Variants in KCNJ6 observed in about 807,000 individuals in gnomAD.
The protein encoded by KCNJ6 is G protein-activated inward rectifier potassium channel 2.
KCNJ6 carries 9 observed loss-of-function variants against 34.2 expected under a neutral mutation model. That is an observed-to-expected ratio of 0.26 (90% CI 0.16 to 0.46). The LOEUF is 0.46. KCNJ6 is among the 20% of genes least tolerant of loss of function. The probability of loss-of-function intolerance (pLI) is 1.00; values close to 1 mark genes in which losing one functional copy is unlikely to be tolerated. For synonymous variants in KCNJ6, 196 were observed against 207.1 expected (o/e 0.95, Z 0.46); for missense variants, 236 against 531.3 (o/e 0.44, Z 5.46).
chr21:37,683,080 C>T (rs748417251), intron 3 of KCNJ6, among the ~76,000 whole-genome samples: 1 of 152,124 alleles, frequency 6.6e-6, no homozygotes, highest in African/African-American at 2.4e-5. Flanking sequence ...TGGCGTCAAG[C>T]GAGGGAAGCA....
At chr21:37,653,801 A>C (rs2835869) in intron 3 of KCNJ6, among the ~76,000 whole-genome samples, 3 of 152,190 alleles carry the variant, frequency 2.0e-5, no homozygotes, top group African/African-American at 7.2e-5. Flanking sequence ...CAGGTTGCAC[A>C]AGGTAAGCAT....
chr21:37,846,638 A>AT (rs2055510103), intron 1 of KCNJ6, among the ~76,000 whole-genome samples: 1 of 152,186 alleles, frequency 6.6e-6, no homozygotes, highest in South Asian at 2.1e-4. Context: ...CAAACCGGTT[A>AT]TATTTGCATC....
intron 2 of KCNJ6, among the ~76,000 whole-genome samples, chr21:37,828,762 T>C (rs748566893): frequency 1.7e-4 from 26 of 152,170 alleles, no homozygotes; most frequent in Admixed American, 1.5e-3. Context: ...TTTCCAGAGC[T>C]GAGGCTGAGG....
At chr21:37,788,740 GC>G (rs2055203486) in intron 2 of KCNJ6, among the ~76,000 whole-genome samples, 2 of 152,316 alleles carry the variant, frequency 1.3e-5, no homozygotes, top group South Asian at 4.1e-4. Context: ...GCAGAGATAA[GC>G]CATCCCAGCC....
At chr21:37,851,684 T>C (rs1227392141) in intron 1 of KCNJ6, among the ~76,000 whole-genome samples, 1 of 152,188 alleles carries the variant, frequency 6.6e-6, no homozygotes, top group African/African-American at 2.4e-5. Flanking sequence ...TCTTCTTTTT[T>C]TTTCTCTATT....
intron 2 of KCNJ6, among the ~76,000 whole-genome samples, chr21:37,790,968 G>C (rs1000726130): frequency 3.6e-4 from 55 of 152,152 alleles, no homozygotes; most frequent in African/African-American, 1.2e-3. Context: ...CAGTTGGATT[G>C]CAAAAGCCAA....
At chr21:37,752,614 G>A (rs1363283933) in intron 2 of KCNJ6, among the ~76,000 whole-genome samples, 1 of 152,066 alleles carries the variant, frequency 6.6e-6, no homozygotes, top group African/African-American at 2.4e-5. Flanking sequence ...GCTGCCACAG[G>A]GTCACCATAA....
chr21:37,855,594 C>A (rs559437793), intron 1 of KCNJ6, among the ~76,000 whole-genome samples: 8 of 152,236 alleles, frequency 5.3e-5, no homozygotes, highest in African/African-American at 1.7e-4. Context: ...CTTATGAAAT[C>A]AAAAATCCAA....
At chr21:37,637,136 C>T (rs560177272) in intron 3 of KCNJ6, among the ~76,000 whole-genome samples, 56 of 152,314 alleles carry the variant, frequency 3.7e-4, no homozygotes, top group African/African-American at 1.3e-3. Context: ...AGTGCTGGGT[C>T]GCTTTTCATG....
Position 37,608,770 on chromosome 21 carries a change from G to A in KCNJ6, c.*16389C>T, listed in dbSNP as rs2054232921. The stretch of plus-strand genomic sequence containing the variant: ...TTACAGGCTTGTTGAGGACAGTGGG[G>A]GATGTTACTTTTTCTCAGAGTCTTC... On this transcript the variant is annotated 3_prime_UTR_variant, in exon 4 of 4. Coordinates refer to ENST00000609713, the MANE Select transcript of KCNJ6 (RefSeq NM_002240.5). 6.6e-6 allele frequency: 1 copy of A among 152,176 alleles called. No homozygotes were observed. Among genetic ancestry groups the A allele is most frequent in the Admixed American group, 6.5e-5 (1 of 15,286 alleles). The allele number at this position is 152,176 out of a possible 1,614,324, so 9.4% of individuals were successfully genotyped here.
chr21:37,716,234 A>G (rs2054790047), intron 2 of KCNJ6, among the ~76,000 whole-genome samples: 1 of 152,126 alleles, frequency 6.6e-6, no homozygotes, highest in African/African-American at 2.4e-5. Context: ...TTAATGGTTG[A>G]TTCAATGCCA....
intron 1 of KCNJ6, among the ~76,000 whole-genome samples, chr21:37,886,932 G>GTTTT (rs548644272): frequency 7.9e-6 from 1 of 127,050 alleles, no homozygotes; most frequent in African/African-American, 2.9e-5. Context: ...ATCCAACCTT[G>GTTTT]TTTTTTTTTT....
intron 2 of KCNJ6, among the ~76,000 whole-genome samples, chr21:37,730,461 C>A (rs188888059): frequency 6.6e-6 from 1 of 152,264 alleles, no homozygotes; most frequent in Admixed American, 6.5e-5. Context: ...TGAAGAGTTA[C>A]TGTGAGAAAG....
rs191624192 is a variant in KCNJ6, at chr21:37,885,195, G to T, written c.-28+30689C>A. On this transcript the variant is annotated intron_variant, in intron 1 of 3. Coordinates refer to ENST00000609713, the MANE Select transcript of KCNJ6 (RefSeq NM_002240.5). Reference sequence around the variant, plus strand: ...AACTGAAAATCATTTCCTAGGAAAGGCCACTTCATCACATAGCAGGGCTCA... The same window carrying T: ...AACTGAAAATCATTTCCTAGGAAAGTCCACTTCATCACATAGCAGGGCTCA... 7.9e-4 allele frequency among the ~76,000 whole-genome samples: 120 copies of T among 152,286 alleles called. 1 individual carries two copies. The highest frequency in any genetic ancestry group is 2.8e-3 in the African/African-American group (118 of 41,560).
intron 2 of KCNJ6, among the ~76,000 whole-genome samples, chr21:37,756,413 T>C (rs857992): frequency 0.98 from 148,693 of 152,320 alleles, 72,615 homozygotes; most frequent in East Asian, 1. Flanking sequence ...CGTGGGGGCC[T>C]GGGAGAAGGC....
chr21:37,794,028 T>G (rs2055229632), intron 2 of KCNJ6, among the ~76,000 whole-genome samples: 3 of 152,282 alleles, frequency 2.0e-5, no homozygotes, highest in Non-Finnish European at 4.4e-5. Context: ...TTTGTTATTG[T>G]GACTCAGTAG....
intron 1 of KCNJ6, among the ~76,000 whole-genome samples, chr21:37,870,189 C>T (rs1319277844): frequency 6.6e-6 from 1 of 152,138 alleles, no homozygotes; most frequent in African/African-American, 2.4e-5. Context: ...GGAAGGCATG[C>T]AATCCATGGA....
intron 3 of KCNJ6, among the ~76,000 whole-genome samples, chr21:37,653,817 A>T (rs2054444813): frequency 1.3e-5 from 2 of 152,326 alleles, no homozygotes; most frequent in Middle Eastern, 3.4e-3. Flanking sequence ...AGCATATTTG[A>T]CTTGTCTTAG....
chr21:37,810,732 T>C (rs2055318572), intron 2 of KCNJ6, among the ~76,000 whole-genome samples: 1 of 152,262 alleles, frequency 6.6e-6, no homozygotes, highest in Non-Finnish European at 1.5e-5. Flanking sequence ...GTTTTTCTAC[T>C]GGGTGTGTGA....
Sources: gnomAD v4.1 joint callset for allele counts (sites outside exome capture counted in the v4.1 genomes callset) on GRCh38, gnomAD v4.1.1 for gene constraint, MANE v1.5 for transcripts, NCBI Gene and HGNC (gene_info 2026-07-23, HGNC 2026-07-21) for gene names.